Variants in GRB14 observed in about 807,000 individuals in gnomAD.
GRB14 encodes growth factor receptor bound protein 14, also known as growth factor receptor-bound protein 14.
GRB14 carries 38 observed loss-of-function variants against 69.1 expected under a neutral mutation model. The ratio of observed to expected loss-of-function variants is 0.55; its 90% CI spans 0.42 to 0.72. GRB14 has a LOEUF of 0.72. GRB14 is among the 30% of genes least tolerant of loss of function. GRB14 has a pLI of 0.00. For synonymous variants in GRB14, 247 were observed against 241.3 expected (o/e 1.02, Z -0.22); for missense variants, 666 against 666.1 (o/e 1.00, Z 0.00).
chr2:164,553,380 T>G (rs528568086), intron 2 of GRB14, among the ~76,000 whole-genome samples: 2 of 152,330 alleles, frequency 1.3e-5, no homozygotes, highest in South Asian at 4.1e-4. Context: ...ATTTCTGGAA[T>G]AAGTGCATAT....
intron 2 of GRB14, among the ~76,000 whole-genome samples, chr2:164,593,358 T>C (rs1040356513): frequency 2.0e-5 from 3 of 152,188 alleles, no homozygotes; most frequent in Admixed American, 1.3e-4. Flanking sequence ...TATGTTTTCA[T>C]AGGATTTAAA....
intron 3 of GRB14, among the ~76,000 whole-genome samples, chr2:164,535,886 T>C (rs890954957): frequency 6.6e-6 from 1 of 152,146 alleles, no homozygotes; most frequent in Non-Finnish European, 1.5e-5. Flanking sequence ...CGAGGGGAAA[T>C]AGTCTCCAAT....
At chr2:164,598,190 A>AG (rs1163859758) in intron 2 of GRB14, among the ~76,000 whole-genome samples, 3 of 152,284 alleles carry the variant, frequency 2.0e-5, no homozygotes, top group African/African-American at 7.2e-5. Context: ...AATAAAGGGA[A>AG]GGGTTGGACT....
chr2:164,569,904 G>A (rs1234006413), intron 2 of GRB14, among the ~76,000 whole-genome samples: 1 of 152,128 alleles, frequency 6.6e-6, no homozygotes, highest in Non-Finnish European at 1.5e-5. Context: ...GCGATGGGGG[G>A]TTAGCATTTG....
intron 2 of GRB14, among the ~76,000 whole-genome samples, chr2:164,562,445 G>C (rs1421444120): frequency 6.6e-6 from 1 of 152,152 alleles, no homozygotes; most frequent in Non-Finnish European, 1.5e-5. Context: ...GCAAGCATTT[G>C]AAAGATATAT....
intron 12 of GRB14, among the ~76,000 whole-genome samples, chr2:164,496,480 G>A (rs764794800): frequency 6.6e-5 from 10 of 152,024 alleles, no homozygotes; most frequent in Non-Finnish European, 1.2e-4. Context: ...TCTTTTCACG[G>A]ATCTATATTA....
chr2:164,538,251 G>A (rs1688133608), intron 3 of GRB14, among the ~76,000 whole-genome samples: 1 of 152,192 alleles, frequency 6.6e-6, no homozygotes, highest in Admixed American at 6.5e-5. Flanking sequence ...TTCCCGAGGA[G>A]TCTGTAGGTA....
At position 164,574,180 on chromosome 2, in the gene GRB14, A is replaced by C. The variant is rs539425377; in HGVS notation, c.325-26364T>G. On this transcript the variant is annotated intron_variant, in intron 2 of 13. Coordinates refer to ENST00000263915, the MANE Select transcript of GRB14 (RefSeq NM_004490.3). ...AGTTGATGAGCTGATCTGATCCACC[A>C]CTAGCCATTTTTTCCCCTCCACTCT... 9.2e-5 allele frequency: 54 copies of C among 587,216 alleles called. 2 individuals carry two copies. In the South Asian group the frequency reaches 1.2e-3, roughly 13 times the overall value. The allele number at this position is 587,216 out of a possible 1,614,324, so 36.4% of individuals were successfully genotyped here. A position where few individuals can be genotyped will look rare whatever the true frequency, so the allele number is the denominator to read the frequency against.
chr2:164,494,377 C>CT (rs1686836451), intron 13 of GRB14, 54 bp downstream of exon 13: 1 of 928,688 alleles, frequency 1.1e-6, no homozygotes, highest in Admixed American at 1.8e-5. Context: ...AGATCAAAAG[C>CT]TTATGCATTA....
At chr2:164,571,625 G>A (rs1336479408) in intron 2 of GRB14, among the ~76,000 whole-genome samples, 1 of 152,020 alleles carries the variant, frequency 6.6e-6, no homozygotes, top group Middle Eastern at 3.2e-3. Flanking sequence ...ATATTTATGT[G>A]AGCACCCATT....
chr2:164,592,560 G>T (rs1385183059), intron 2 of GRB14, among the ~76,000 whole-genome samples: 1 of 152,152 alleles, frequency 6.6e-6, no homozygotes, highest in Non-Finnish European at 1.5e-5. Context: ...ACCAGGCTGG[G>T]ATCCAAGTCT....
intron 2 of GRB14, among the ~76,000 whole-genome samples, chr2:164,615,566 G>A (rs1323608366): frequency 1.3e-5 from 2 of 152,164 alleles, no homozygotes; most frequent in African/African-American, 4.8e-5. Flanking sequence ...AAAGCCTCAA[G>A]AAATCCAGAT....
intron 6 of GRB14, among the ~76,000 whole-genome samples, chr2:164,519,139 C>T (rs1298722428): frequency 3.9e-5 from 6 of 151,962 alleles, no homozygotes; most frequent in Middle Eastern, 3.2e-3. Flanking sequence ...ACTAGCCAAC[C>T]GAATCCAACA....
At chr2:164,505,489 A>G (rs1437652089) in intron 8 of GRB14, among the ~76,000 whole-genome samples, 1 of 152,192 alleles carries the variant, frequency 6.6e-6, no homozygotes, top group Non-Finnish European at 1.5e-5. Context: ...CACACGCAAT[A>G]TCAGTGGAAC....
In GRB14 at chr2:164,577,055, T is replaced by C. The variant is rs141603894; in HGVS notation, c.325-29239A>G. On this transcript the variant is annotated intron_variant, in intron 2 of 13. Coordinates refer to ENST00000263915, the MANE Select transcript of GRB14 (RefSeq NM_004490.3). ...AGATTATTCTCTGGACAATATAATT[T>C]ATACAAATTGACTCCATAAAATTCA... Among the ~76,000 whole-genome samples the C allele has an allele frequency of 3.3e-4, 50 of 152,296 alleles. No individual in the cohort carries two copies. In the East Asian group the frequency reaches 6.4e-3, roughly 19 times the overall value.
At chr2:164,530,261 T>G (rs1321052241) in intron 3 of GRB14, among the ~76,000 whole-genome samples, 1 of 152,058 alleles carries the variant, frequency 6.6e-6, no homozygotes, top group Admixed American at 6.6e-5. Flanking sequence ...GCAATAGACA[T>G]GCCAGGCTTT....
intron 2 of GRB14, among the ~76,000 whole-genome samples, chr2:164,569,240 CTG>C (rs1689066907): frequency 6.6e-6 from 1 of 152,090 alleles, no homozygotes; most frequent in East Asian, 1.9e-4. Flanking sequence ...CTCATAAAAA[CTG>C]AAAAGTTTAT....
chr2:164,608,348 G>T (rs949325809), intron 2 of GRB14, among the ~76,000 whole-genome samples: 11 of 151,640 alleles, frequency 7.3e-5, no homozygotes, highest in Non-Finnish European at 1.5e-4. Flanking sequence ...CCCAGCCTGG[G>T]CAAAAGAGCG....
At chr2:164,549,605 G>A (rs1688474030) in intron 2 of GRB14, among the ~76,000 whole-genome samples, 2 of 152,096 alleles carry the variant, frequency 1.3e-5, no homozygotes, top group Admixed American at 6.6e-5. Context: ...GCTCACATCT[G>A]TAATCTCAGC....
Sources: gnomAD v4.1 joint callset for allele counts (sites outside exome capture counted in the v4.1 genomes callset) on GRCh38, gnomAD v4.1.1 for gene constraint, MANE v1.5 for transcripts, NCBI Gene and HGNC (gene_info 2026-07-23, HGNC 2026-07-21) for gene names.